SLAIN2: variants seen among roughly 807,000 people sequenced by gnomAD.
SLAIN2 encodes SLAIN family member 2, also known as SLAIN motif-containing protein 2.
Under a neutral mutation model 56.6 loss-of-function variants are expected in SLAIN2, and 31 were observed. That is an observed-to-expected ratio of 0.55 (90% CI 0.41 to 0.74). The LOEUF (loss-of-function observed/expected upper bound fraction) is 0.74, where lower values mean the gene tolerates loss of function less well. SLAIN2 is among the 30% of genes least tolerant of loss of function. The pLI, the probability that SLAIN2 is intolerant of heterozygous loss-of-function variation, is 0.00. For synonymous variants in SLAIN2, 317 were observed against 284.9 expected (o/e 1.11, Z -1.13); for missense variants, 777 against 754.2 (o/e 1.03, Z -0.35).
At chr4:48,409,138 A>G (rs562701415) in intron 6 of SLAIN2, among the ~76,000 whole-genome samples, 26 of 152,318 alleles carry the variant, frequency 1.7e-4, no homozygotes, top group Admixed American at 1.3e-3. Flanking sequence ...TAATAACATC[A>G]CAGAGAATCA....
chr4:48,341,865 C>A lies in SLAIN2; in HGVS notation c.126C>A (p.Gly42=). 1 of 1,519,828 alleles carries A rather than the reference C, an allele frequency of 6.6e-7. No homozygotes were observed. Among genetic ancestry groups the A allele is most frequent in the Non-Finnish European group, 8.8e-7 (1 of 1,134,418 alleles). 94.1% of individuals were successfully genotyped at this position (1,519,828 alleles called of 1,614,324 possible). Reference sequence around the variant, plus strand: ...GCTCGGGGGCCGTGCAGGGCGCCGGCTCCCTTGGGCCCGGCAGCCCGGTTC... The same window carrying A: ...GCTCGGGGGCCGTGCAGGGCGCCGGATCCCTTGGGCCCGGCAGCCCGGTTC... ...RSRSGAVQGA[G]SLGPGSPVRA... Residue 42 remains glycine (G), a synonymous_variant, in exon 1 of 8, where the codon GGC becomes GGA. Coordinates refer to ENST00000264313, the MANE Select transcript of SLAIN2 (RefSeq NM_020846.2).
chr4:48,351,633 G>T (rs1267142736), intron 1 of SLAIN2, among the ~76,000 whole-genome samples: 1 of 152,224 alleles, frequency 6.6e-6, no homozygotes, highest in Non-Finnish European at 1.5e-5. Flanking sequence ...AGTGAAAGAG[G>T]CTAACAACCT....
At chr4:48,371,992 G>GCA (rs1400532265) in intron 2 of SLAIN2, among the ~76,000 whole-genome samples, 6 of 142,696 alleles carry the variant, frequency 4.2e-5, no homozygotes, top group South Asian at 2.2e-4. Context: ...ACACACACGC[G>GCA]CGCACACACA....
At chr4:48,351,515 G>A (rs1409951020) in intron 1 of SLAIN2, among the ~76,000 whole-genome samples, 1 of 152,104 alleles carries the variant, frequency 6.6e-6, no homozygotes, top group Non-Finnish European at 1.5e-5. Context: ...ATGGTGGAGT[G>A]GATTAAGAAG....
At position 48,341,646 on chromosome 4, in the gene SLAIN2, G is replaced by T; in HGVS notation, c.-94G>T. 6.8e-7 allele frequency: 1 copy of T among 1,471,422 alleles called. No homozygotes were observed. 91.1% of individuals were successfully genotyped at this position (1,471,422 alleles called of 1,614,324 possible). ...CTGCTATATGCCGGCGCCTCGGCTA[G>T]AGTGAGCGGCGGCGACGCCTCTTTC... On this transcript the variant is annotated 5_prime_UTR_variant, in exon 1 of 8. It removes the in-frame stop codon of an upstream open reading frame in the 5' UTR. Transcript: ENST00000264313.
chr4:48,413,136 G>A (rs1181956945), intron 6 of SLAIN2, among the ~76,000 whole-genome samples: 9 of 151,976 alleles, frequency 5.9e-5, no homozygotes, highest in Admixed American at 5.3e-4. Flanking sequence ...GCTGAGGCAC[G>A]AGAGTCGCTT....
chr4:48,406,868 G>A (rs939223511), intron 6 of SLAIN2, among the ~76,000 whole-genome samples: 3 of 151,954 alleles, frequency 2.0e-5, no homozygotes, highest in African/African-American at 2.4e-5. Context: ...TCCACCTTCT[G>A]CAGGAATAAA....
chr4:48,398,718 G>A (rs1577731485), intron 6 of SLAIN2, among the ~76,000 whole-genome samples: 1 of 152,152 alleles, frequency 6.6e-6, no homozygotes, highest in African/African-American at 2.4e-5. Flanking sequence ...CATATGGCTA[G>A]CCTGTTCTCC....
chr4:48,346,232 C>T (rs535525153), intron 1 of SLAIN2, among the ~76,000 whole-genome samples: 4 of 151,950 alleles, frequency 2.6e-5, no homozygotes, highest in Non-Finnish European at 5.9e-5. Flanking sequence ...ACTTTCTAGA[C>T]ACTGCTTATT....
rs1322158116 is a variant in SLAIN2, at chr4:48,341,872, G to C, written c.133G>C (p.Gly45Arg). Reference sequence around the variant, plus strand: ...GGCCGTGCAGGGCGCCGGCTCCCTTGGGCCCGGCAGCCCGGTTCGGGCCGG... The same window carrying C: ...GGCCGTGCAGGGCGCCGGCTCCCTTCGGCCCGGCAGCCCGGTTCGGGCCGG... ...SGAVQGAGSL[G>R]PGSPVRAGAS... Residue 45 changes from glycine (G) to arginine (R), a missense_variant, in exon 1 of 8, where the codon GGG becomes CGG. By Grantham distance (125) the Gly-to-Arg change is moderately radical. Coordinates refer to ENST00000264313, the MANE Select transcript of SLAIN2 (RefSeq NM_020846.2). The C allele has an allele frequency of 3.3e-5, 50 of 1,518,720 alleles. No individual in the cohort carries two copies. Among genetic ancestry groups the C allele is most frequent in the Non-Finnish European group, 4.4e-5 (50 of 1,134,058 alleles). The allele number at this position is 1,518,720 out of a possible 1,614,324, so 94.1% of individuals were successfully genotyped here.
intron 6 of SLAIN2, among the ~76,000 whole-genome samples, chr4:48,411,131 A>T (rs1031604761): frequency 1.3e-5 from 2 of 151,956 alleles, no homozygotes; most frequent in African/African-American, 4.8e-5. Context: ...TGTTTAAGGG[A>T]TGACTGGATG....
intron 6 of SLAIN2, among the ~76,000 whole-genome samples, chr4:48,412,458 C>T (rs929855879): frequency 8.4e-5 from 12 of 143,060 alleles, no homozygotes; most frequent in African/African-American, 3.1e-4. Flanking sequence ...CTTTGGCACC[C>T]AAAGGGTGGC....
At chr4:48,409,131 T>C (rs1036281850) in intron 6 of SLAIN2, among the ~76,000 whole-genome samples, 12 of 152,166 alleles carry the variant, frequency 7.9e-5, no homozygotes, top group African/African-American at 2.9e-4. Context: ...TGTGAAATAA[T>C]AACATCACAG....
At chr4:48,405,334 C>T (rs1427036009) in intron 6 of SLAIN2, among the ~76,000 whole-genome samples, 1 of 152,146 alleles carries the variant, frequency 6.6e-6, no homozygotes, top group African/African-American at 2.4e-5. Context: ...ATAGTTTTAT[C>T]ATCCAAGTTT....
intron 2 of SLAIN2, among the ~76,000 whole-genome samples, chr4:48,373,215 C>T (rs115056225): frequency 8.1e-4 from 124 of 152,290 alleles, no homozygotes; most frequent in African/African-American, 2.8e-3. Flanking sequence ...AGTACATTCA[C>T]GTTACTGTGC....
At chr4:48,421,890 G>C in intron 7 of SLAIN2, 121 bp from the exon 8 acceptor site, 1 of 754,322 alleles carries the variant, frequency 1.3e-6, no homozygotes, top group South Asian at 1.7e-5. Flanking sequence ...CTTAGGACTT[G>C]GTACGGCCTT....
intron 4 of SLAIN2, among the ~76,000 whole-genome samples, chr4:48,381,257 A>C (rs552066140): frequency 1.3e-5 from 2 of 152,248 alleles, no homozygotes; most frequent in African/African-American, 4.8e-5. Context: ...TCTTACTTTA[A>C]TAATTTTTTC....
intron 6 of SLAIN2, among the ~76,000 whole-genome samples, chr4:48,412,690 G>A (rs1472940626): frequency 6.6e-6 from 1 of 151,932 alleles, no homozygotes; most frequent in African/African-American, 2.4e-5. Context: ...TATTTTCGGG[G>A]CATTTTCTGC....
intron 1 of SLAIN2, among the ~76,000 whole-genome samples, chr4:48,367,154 T>C (rs1218187901): frequency 1.3e-5 from 2 of 152,248 alleles, no homozygotes; most frequent in African/African-American, 2.4e-5. Context: ...AGTTATGTGG[T>C]ACAGCTCAGC....
Sources: gnomAD v4.1 joint callset for allele counts (sites outside exome capture counted in the v4.1 genomes callset) on GRCh38, gnomAD v4.1.1 for gene constraint, MANE v1.5 for transcripts, NCBI Gene and HGNC (gene_info 2026-07-23, HGNC 2026-07-21) for gene names.